The following ASH2L variants were observed in gnomAD, a reference collection of about 807,000 sequenced individuals.
The protein encoded by ASH2L is set1/Ash2 histone methyltransferase complex subunit ASH2.
Under a neutral mutation model 81.1 loss-of-function variants are expected in ASH2L, and 30 were observed. The ratio of observed to expected loss-of-function variants is 0.37; its 90% confidence interval spans 0.28 to 0.50. The LOEUF is 0.50. Among genes scored for constraint, ASH2L ranks in the 20% least tolerant of loss-of-function variants. The pLI, the probability that ASH2L is intolerant of heterozygous loss-of-function variation, is 0.95. For missense variants in ASH2L, 559 were observed against 792.1 expected (o/e 0.71, Z 3.53); for synonymous variants, 273 against 279.9 (o/e 0.98, Z 0.24).
intron 10 of ASH2L, among the ~76,000 whole-genome samples, chr8:38,125,644 A>G (rs1801816390): frequency 6.6e-6 from 1 of 152,038 alleles, no homozygotes; most frequent in Non-Finnish European, 1.5e-5. Context: ...TTCTTTTATA[A>G]CCAAAATAAT....
intron 5 of ASH2L, among the ~76,000 whole-genome samples, chr8:38,111,218 A>G (rs1290022937): frequency 6.6e-6 from 1 of 152,130 alleles, no homozygotes; most frequent in Non-Finnish European, 1.5e-5. Context: ...GGCGTGAGCC[A>G]CCGCACCTGG....
chr8:38,116,548 G>C, intron 7 of ASH2L, 102 bp from the exon 8 acceptor site: 1 of 919,448 alleles, frequency 1.1e-6, no homozygotes, highest in Non-Finnish European at 1.7e-6. Flanking sequence ...AAAAAGAATT[G>C]TCAATTTTAG....
At position 38,105,589 on chromosome 8, in the gene ASH2L, T is replaced by A. The variant is rs1810381925; in HGVS notation, c.39T>A (p.Gly13=). 6.3e-7 allele frequency: 1 copy of A among 1,590,872 alleles called. No homozygotes were observed. Among genetic ancestry groups the A allele is most frequent in the Non-Finnish European group, 8.6e-7 (1 of 1,168,084 alleles). Residue 13 remains glycine, a synonymous_variant, in exon 1 of 16, where the codon GGT becomes GGA. Transcript: ENST00000343823. Reference sequence around the variant, plus strand: ...GAGCAGGACCTGGCCAGGAAGCGGGTGCCGGGCCTGGCCCAGGAGCGGTCG... The same window carrying A: ...GAGCAGGACCTGGCCAGGAAGCGGGAGCCGGGCCTGGCCCAGGAGCGGTCG... The part of the protein sequence containing the change: ...AAGAGPGQEA[G]AGPGPGAVAN...
intron 13 of ASH2L, 58 bp downstream of exon 13, chr8:38,133,604 C>A: frequency 7.5e-7 from 1 of 1,326,498 alleles, no homozygotes; most frequent in South Asian, 1.3e-5. Context: ...AGGACCCATT[C>A]CTTCATTATA....
intron 6 of ASH2L, 151 bp from the exon 7 acceptor site, chr8:38,114,754 T>C: frequency 1.7e-6 from 1 of 591,838 alleles, no homozygotes; most frequent in Non-Finnish European, 3.0e-6. Context: ...AATTTTTTGA[T>C]GGTCACTGAT....
At chr8:38,119,532 G>A (rs1027825649) in intron 9 of ASH2L, among the ~76,000 whole-genome samples, 169 bp downstream of exon 9, 2 of 152,168 alleles carry the variant, frequency 1.3e-5, no homozygotes, top group African/African-American at 4.8e-5. Context: ...GAGGCCAGGC[G>A]CAGTGGCTCA....
chr8:38,106,569 G>A, intron 2 of ASH2L, 125 bp downstream of exon 2: 1 of 756,528 alleles, frequency 1.3e-6, no homozygotes, highest in Non-Finnish European at 2.1e-6. Flanking sequence ...ATGCAGTGGC[G>A]CGATCTCGGC....
intron 8 of ASH2L, among the ~76,000 whole-genome samples, chr8:38,116,965 C>A (rs891771354): frequency 7.9e-5 from 12 of 152,200 alleles, no homozygotes; most frequent in African/African-American, 2.7e-4. Flanking sequence ...GACAAGGAAC[C>A]ATTTCAAGGT....
intron 4 of ASH2L, 81 bp downstream of exon 4, chr8:38,110,548 C>G (rs1280183563): frequency 2.2e-6 from 3 of 1,387,484 alleles, no homozygotes; most frequent in Non-Finnish European, 2.0e-6. Context: ...AATCAGGAGA[C>G]CTTTGCCTAG....
rs1802397991 is a variant in ASH2L at position 38,139,558 on chromosome 8, G to A, written c.*487G>A. ...TAAACGCTATTTCCTTTTGGTGTGGGTTTGGTTTTGTTCATTTTGAAATAC... is the reference window on the plus strand; with the variant it reads ...TAAACGCTATTTCCTTTTGGTGTGGATTTGGTTTTGTTCATTTTGAAATAC... On this transcript the variant is annotated 3_prime_UTR_variant, in exon 16 of 16. Coordinates refer to ENST00000343823, the MANE Select transcript of ASH2L (RefSeq NM_004674.5). 1 of 152,808 alleles carries A rather than the reference G, an allele frequency of 6.5e-6. No homozygotes were observed. Among genetic ancestry groups the A allele is most frequent in the Non-Finnish European group, 1.5e-5 (1 of 68,264 alleles). 9.5% of individuals were successfully genotyped at this position (152,808 alleles called of 1,614,324 possible). A position where few individuals can be genotyped will look rare whatever the true frequency, so the allele number is the denominator to read the frequency against.
intron 3 of ASH2L, among the ~76,000 whole-genome samples, chr8:38,108,553 C>T (rs1810549733): frequency 6.6e-6 from 1 of 151,250 alleles, no homozygotes; most frequent in African/African-American, 2.4e-5. Flanking sequence ...GGCGCAGTGA[C>T]TCACGCCTGT....
intron 14 of ASH2L, 81 bp downstream of exon 14, chr8:38,135,847 G>A: frequency 1.8e-6 from 2 of 1,100,832 alleles, no homozygotes; most frequent in Admixed American, 2.4e-5. Context: ...ACTGAGTGCT[G>A]GAACGAAATC....
chr8:38,128,596 T>A (rs566899179), intron 11 of ASH2L, 138 bp downstream of exon 11: 13 of 1,455,162 alleles, frequency 8.9e-6, no homozygotes, highest in Non-Finnish European at 1.2e-5. Flanking sequence ...GCTGGTTTGC[T>A]ATTCCCGGGA....
chr8:38,126,576 C>T (rs985095681), intron 10 of ASH2L, among the ~76,000 whole-genome samples: 5 of 152,100 alleles, frequency 3.3e-5, no homozygotes, highest in African/African-American at 7.2e-5. Context: ...AATTGTTGGC[C>T]GGGCGCGGTG....
At chr8:38,138,611 A>G (rs1802362723) in intron 14 of ASH2L, 1 of 523,572 alleles carries the variant, frequency 1.9e-6, no homozygotes, top group African/African-American at 1.9e-5. Context: ...ACAGAAATCA[A>G]CACAGATCTC....
chr8:38,130,227 C>T (rs201870799), intron 12 of ASH2L, among the ~76,000 whole-genome samples: 89 of 86,156 alleles, frequency 1.0e-3, no homozygotes, highest in South Asian at 1.6e-3. Flanking sequence ...CTTCTCTGTT[C>T]TTTTTTTTTT....
chr8:38,120,085 A>G (rs553201589), intron 9 of ASH2L, among the ~76,000 whole-genome samples: 2 of 152,364 alleles, frequency 1.3e-5, no homozygotes, highest in African/African-American at 2.4e-5. Context: ...AGATCGCGCT[A>G]TCGCACTCCA....
chr8:38,108,933 T>G (rs1810569900), intron 3 of ASH2L, among the ~76,000 whole-genome samples: 1 of 151,960 alleles, frequency 6.6e-6, no homozygotes, highest in South Asian at 2.1e-4. Flanking sequence ...TAGAAAAAAA[T>G]TAGCTGGGCG....
At chr8:38,129,067 C>G in intron 12 of ASH2L, 116 bp downstream of exon 12, 1 of 1,433,072 alleles carries the variant, frequency 7.0e-7, no homozygotes, top group East Asian at 2.3e-5. Flanking sequence ...TTTTTCCTAA[C>G]CTGTTGCTAT....
Sources: gnomAD v4.1 joint callset for allele counts (sites outside exome capture counted in the v4.1 genomes callset) on GRCh38, gnomAD v4.1.1 for gene constraint, MANE v1.5 for transcripts, NCBI Gene and HGNC (gene_info 2026-07-23, HGNC 2026-07-21) for gene names.